The following LINGO2 variants were observed in gnomAD, a reference collection of about 807,000 sequenced individuals.
LINGO2 encodes the protein leucine-rich repeat and immunoglobulin-like domain-containing nogo receptor-interacting protein 2.
Under a neutral mutation model 30.6 loss-of-function variants are expected in LINGO2, and 14 were observed. That is an observed-to-expected ratio of 0.46 (90% confidence interval 0.30 to 0.72). LINGO2 has a LOEUF of 0.72. Ranked by LOEUF, LINGO2 falls within the 30% of genes least tolerant of loss-of-function variation. LINGO2 has a pLI of 0.07. For missense variants in LINGO2, 729 were observed against 751.7 expected (o/e 0.97, Z 0.35); for synonymous variants, 317 against 288.5 (o/e 1.10, Z -1.00).
intron 4 of LINGO2, among the ~76,000 whole-genome samples, chr9:28,165,277 T>A (rs888096861): frequency 1.3e-5 from 2 of 152,344 alleles, no homozygotes; most frequent in East Asian, 3.9e-4. Context: ...TGCTTTGGTC[T>A]CTTTCATGCT....
intron 4 of LINGO2, among the ~76,000 whole-genome samples, chr9:28,173,375 T>C (rs1028926666): frequency 5.9e-5 from 9 of 152,156 alleles, no homozygotes; most frequent in African/African-American, 2.2e-4. Flanking sequence ...GTGAGATGGA[T>C]AGCTGAACTC....
chr9:29,003,616 T>A, the LINGO2 span, among the ~76,000 whole-genome samples: 11 of 152,020 alleles, frequency 7.2e-5, no homozygotes, highest in African/African-American at 2.7e-4. Context: ...TTACTTTTTC[T>A]GAGACTTAGA....
At chr9:28,848,291 A>ATGCG in the LINGO2 span, among the ~76,000 whole-genome samples, 24 of 73,088 alleles carry the variant, frequency 3.3e-4, no homozygotes, top group African/African-American at 1.4e-3. Flanking sequence ...CACTATGCAT[A>ATGCG]TATATATACT....
At chr9:29,003,123 G>C in the LINGO2 span, among the ~76,000 whole-genome samples, 15 of 152,048 alleles carry the variant, frequency 9.9e-5, 1 homozygote, top group East Asian at 2.9e-3. Context: ...GTAAGGAATG[G>C]AACAGATTCT....
At chr9:28,926,370 C>T in the LINGO2 span, among the ~76,000 whole-genome samples, 1 of 152,064 alleles carries the variant, frequency 6.6e-6, no homozygotes, top group Non-Finnish European at 1.5e-5. Context: ...AGAATAACTA[C>T]AGTGAAGTTT....
intron 1 of LINGO2, among the ~76,000 whole-genome samples, chr9:28,578,224 C>T (rs182560686): frequency 2.6e-5 from 4 of 152,142 alleles, no homozygotes; most frequent in Admixed American, 1.3e-4. Context: ...GGGAAGAGTG[C>T]CAAAAGCATA....
the LINGO2 span, among the ~76,000 whole-genome samples, chr9:28,706,171 A>G: frequency 2.0e-5 from 3 of 152,142 alleles, no homozygotes; most frequent in Non-Finnish European, 4.4e-5. Flanking sequence ...TCTCTATATG[A>G]CAATCTACTG....
chr9:28,186,780 G>A (rs1270272299), intron 4 of LINGO2, among the ~76,000 whole-genome samples: 2 of 152,214 alleles, frequency 1.3e-5, no homozygotes, highest in East Asian at 3.9e-4. Context: ...GTAGGAGCAG[G>A]CCTAGCATAT....
intron 2 of LINGO2, among the ~76,000 whole-genome samples, chr9:28,429,952 A>G (rs1823579383): frequency 6.6e-6 from 1 of 152,174 alleles, no homozygotes. Context: ...AAACCCCTGT[A>G]GCACCTATGA....
At chr9:28,782,034 A>G in the LINGO2 span, among the ~76,000 whole-genome samples, 1 of 152,184 alleles carries the variant, frequency 6.6e-6, no homozygotes. Context: ...GGAATGAGGA[A>G]TAATTGATGA....
chr9:28,308,907 G>T (rs1370691934), intron 3 of LINGO2, among the ~76,000 whole-genome samples: 3 of 152,158 alleles, frequency 2.0e-5, no homozygotes, highest in Admixed American at 6.6e-5. Flanking sequence ...AGTTAGAATG[G>T]CATTCATTAA....
intron 2 of LINGO2, among the ~76,000 whole-genome samples, chr9:28,439,442 TG>T (rs1463917473): frequency 1.3e-5 from 2 of 152,120 alleles, no homozygotes; most frequent in Non-Finnish European, 2.9e-5. Flanking sequence ...TGATATGGTT[TG>T]GTTCTGTGTC....
At chr9:28,724,968 A>G in the LINGO2 span, among the ~76,000 whole-genome samples, 1 of 152,132 alleles carries the variant, frequency 6.6e-6, no homozygotes, top group Admixed American at 6.6e-5. Context: ...TGGTCAAAAA[A>G]CAGCTTGAAT....
chr9:29,182,032 C>T, the LINGO2 span, among the ~76,000 whole-genome samples: 2 of 152,134 alleles, frequency 1.3e-5, no homozygotes, highest in African/African-American at 4.8e-5. Context: ...ATGGGGGTGG[C>T]CCTGAGTGCG....
intron 4 of LINGO2, among the ~76,000 whole-genome samples, chr9:28,079,407 G>A (rs1412397230): frequency 6.6e-6 from 1 of 152,040 alleles, no homozygotes; most frequent in Admixed American, 6.6e-5. Context: ...TGAGCCGTTC[G>A]TTTTTATTTC....
intron 4 of LINGO2, among the ~76,000 whole-genome samples, chr9:28,091,620 C>T (rs540010844): frequency 6.6e-6 from 1 of 152,172 alleles, no homozygotes; most frequent in South Asian, 2.1e-4. Flanking sequence ...TAGGCAATAC[C>T]ATTCAGGACA....
At chr9:28,754,017 AACACACACACAC>A in the LINGO2 span, among the ~76,000 whole-genome samples, 21 of 146,024 alleles carry the variant, frequency 1.4e-4, no homozygotes, top group East Asian at 1.0e-3. Flanking sequence ...CACACACACA[AACACACACACAC>A]ACACACACAC....
the LINGO2 span, among the ~76,000 whole-genome samples, chr9:29,019,824 T>C: frequency 6.6e-6 from 1 of 152,192 alleles, no homozygotes; most frequent in East Asian, 1.9e-4. Context: ...TATCTTTCTA[T>C]TCCATTCCTT....
the LINGO2 span, among the ~76,000 whole-genome samples, chr9:28,825,851 T>C: frequency 1.3e-5 from 2 of 152,204 alleles, no homozygotes; most frequent in Non-Finnish European, 2.9e-5. Context: ...TTCGAGCTGT[T>C]ATCTTGGAGC....
Sources: allele counts gnomAD v4.1 joint callset (sites outside exome capture counted in the v4.1 genomes callset), GRCh38; gene constraint gnomAD v4.1.1; transcripts MANE v1.5; gene names NCBI Gene and HGNC (gene_info 2026-07-23, HGNC 2026-07-21).